The following MRPL33 variants were observed in gnomAD, a reference collection of about 807,000 sequenced individuals.
MRPL33 encodes large ribosomal subunit protein bL33m.
Under a neutral mutation model 10.1 loss-of-function variants are expected in MRPL33, and 5 were observed. That is an observed-to-expected ratio of 0.49 (90% CI 0.26 to 1.04). MRPL33 has a LOEUF of 1.04. Among genes scored for constraint, MRPL33 ranks in the 50% least tolerant of loss-of-function variants. The probability of loss-of-function intolerance (pLI) is 0.14; values close to 1 mark genes in which losing one functional copy is unlikely to be tolerated. For missense variants in MRPL33, 79 were observed against 78.1 expected, an observed-to-expected ratio of 1.01 and a Z score of -0.04; for synonymous variants, 24 against 27.7, an observed-to-expected ratio of 0.87 and a Z score of 0.42.
chr2:27,779,174 AAT>A (rs945058225), intron 3 of MRPL33, among the ~76,000 whole-genome samples: 5 of 152,086 alleles, frequency 3.3e-5, no homozygotes, highest in African/African-American at 1.2e-4. Context: ...TCTTAATGTG[AAT>A]ATTTCTTCAT....
rs1361184681 is a variant in MRPL33 at position 27,771,812 on chromosome 2, G to A, written c.22+13G>A. 6.2e-7 allele frequency: 1 copy of A among 1,613,204 alleles called. No individual in the cohort carries two copies. Among genetic ancestry groups the A allele is most frequent in the Non-Finnish European group, 8.5e-7 (1 of 1,179,338 alleles). The stretch of plus-strand genomic sequence containing the variant: ...TCCGCGGTCTTCTGTAAGTGGGGCT[G>A]GAGACGCCGGTAGGGGTTACGGCGA... On this transcript the variant is annotated intron_variant, in intron 1 of 3. Coordinates refer to ENST00000296102, the MANE Select transcript of MRPL33 (RefSeq NM_004891.4).
chr2:27,771,934 C>A, intron 1 of MRPL33, 135 bp downstream of exon 1: 1 of 916,732 alleles, frequency 1.1e-6, no homozygotes. Context: ...TCCAGGCCTT[C>A]AGGACCACAG....
chr2:27,779,011 A>C (rs1277244972), intron 3 of MRPL33, among the ~76,000 whole-genome samples: 1 of 152,238 alleles, frequency 6.6e-6, no homozygotes, highest in Non-Finnish European at 1.5e-5. Context: ...GTAGAGGTTT[A>C]GTGTCTATTA....
At chr2:27,775,002 C>G (rs894077641) in intron 3 of MRPL33, among the ~76,000 whole-genome samples, 3 of 152,106 alleles carry the variant, frequency 2.0e-5, no homozygotes, top group Admixed American at 1.3e-4. Context: ...ATCATCTGTT[C>G]GACAGTGGCT....
Position 27,771,742 on chromosome 2 carries a change from T to G in MRPL33, c.-36T>G. 6.2e-7 allele frequency: 1 copy of G among 1,613,964 alleles called. No homozygotes were observed. Among genetic ancestry groups the G allele is most frequent in the African/African-American group, 1.3e-5 (1 of 75,064 alleles). ...GCAGTTGTTGTTGGTTGGGGGCCTT[T>G]TGGCCGGTGACGGAGACTGCCCAGG... On this transcript the variant is annotated 5_prime_UTR_variant, in exon 1 of 4. Transcript: ENST00000296102.
chr2:27,774,319 A>G, intron 2 of MRPL33, 105 bp from the exon 3 acceptor site: 1 of 888,500 alleles, frequency 1.1e-6, no homozygotes, highest in Non-Finnish European at 1.8e-6. Flanking sequence ...GTGATATCTC[A>G]CAACTAATAT....
chr2:27,777,844 A>T (rs1437664674), intron 3 of MRPL33, among the ~76,000 whole-genome samples: 1 of 151,750 alleles, frequency 6.6e-6, no homozygotes, highest in South Asian at 2.1e-4. Context: ...CAGTGAGACA[A>T]CCCCCCTACC....
chr2:27,779,326 G>C, intron 3 of MRPL33, 107 bp from the exon 4 acceptor site: 1 of 1,315,852 alleles, frequency 7.6e-7, no homozygotes. Flanking sequence ...TCAAGGAATA[G>C]TAAAATAAGA....
At chr2:27,773,977 A>G (rs190057710) in intron 2 of MRPL33, among the ~76,000 whole-genome samples, 2 of 152,334 alleles carry the variant, frequency 1.3e-5, no homozygotes, top group Non-Finnish European at 2.9e-5. Flanking sequence ...TTAGCAAACT[A>G]AAAGCTTTAG....
At chr2:27,772,029 G>A (rs539342180) in intron 1 of MRPL33, 2 of 516,214 alleles carry the variant, frequency 3.9e-6, no homozygotes, top group African/African-American at 2.0e-5. Context: ...TTCAATTGCC[G>A]TCCTCACGGA....
intron 1 of MRPL33, 192 bp downstream of exon 1, chr2:27,771,991 G>T (rs929509251): frequency 6.9e-5 from 42 of 610,890 alleles, no homozygotes; most frequent in South Asian, 3.4e-4. Flanking sequence ...ACCTGTGGGT[G>T]CCTGAGAAGG....
Position 27,771,728 on chromosome 2 carries a change from T to C in MRPL33, c.-50T>C, listed in dbSNP as rs759007905. On this transcript the variant is annotated 5_prime_UTR_variant, in exon 1 of 4. Transcript: ENST00000296102. ...GCCGTGCCCCGGAAGCAGTTGTTGT[T>C]GGTTGGGGGCCTTTTGGCCGGTGAC... The C allele has an allele frequency of 6.2e-7, 1 of 1,611,846 alleles. No homozygotes were observed. Among genetic ancestry groups the C allele is most frequent in the Non-Finnish European group, 8.5e-7 (1 of 1,178,204 alleles).
rs2148173030 is a variant in MRPL33 at position 27,774,504 on chromosome 2, T to G, written c.122T>G (p.Leu41Arg). Reference protein sequence around the residue: ...NTKRNRLREKLTLLHYDPVVK... With the variant: ...NTKRNRLREKRTLLHYDPVVK... Reference sequence around the variant, plus strand: ...AAGAGAAACCGACTGCGGGAAAAACTGACTCTTTTGCATTATGATCCAGTT... The same window carrying G: ...AAGAGAAACCGACTGCGGGAAAAACGGACTCTTTTGCATTATGATCCAGTT... Residue 41 changes from leucine (L) to arginine (R), a missense_variant, in exon 3 of 4, where the codon CTG (leucine) becomes CGG (arginine). Coordinates refer to ENST00000296102, the MANE Select transcript of MRPL33 (RefSeq NM_004891.4). 9 of 1,614,042 alleles carry G rather than the reference T, an allele frequency of 5.6e-6. No homozygotes were observed. In the South Asian group the frequency reaches 8.8e-5, roughly 16 times the overall value.
At chr2:27,774,719 C>G (rs1181658598) in intron 3 of MRPL33, among the ~76,000 whole-genome samples, 189 bp downstream of exon 3, 1 of 152,198 alleles carries the variant, frequency 6.6e-6, no homozygotes, top group Non-Finnish European at 1.5e-5. Flanking sequence ...AGACAAGTCC[C>G]TGTACTCTTG....
intron 3 of MRPL33, among the ~76,000 whole-genome samples, chr2:27,775,268 T>C (rs1677128016): frequency 6.6e-6 from 1 of 152,174 alleles, no homozygotes; most frequent in African/African-American, 2.4e-5. Flanking sequence ...TTCTGGATTT[T>C]ATGTGCAGAT....
intron 1 of MRPL33, chr2:27,772,068 C>T (rs1393262865): frequency 1.1e-5 from 5 of 451,342 alleles, no homozygotes; most frequent in African/African-American, 8.1e-5. Context: ...GGGCGTTTTT[C>T]TCCAGCCCGT....
At chr2:27,777,485 A>G (rs536346048) in intron 3 of MRPL33, among the ~76,000 whole-genome samples, 1 of 147,462 alleles carries the variant, frequency 6.8e-6, no homozygotes, top group South Asian at 2.1e-4. Context: ...TTCCTGGTTC[A>G]TTTAATCCAA....
chr2:27,772,119 C>T, intron 1 of MRPL33: 1 of 390,536 alleles, frequency 2.6e-6, no homozygotes, highest in Non-Finnish European at 4.6e-6. Flanking sequence ...GAATTTGCAG[C>T]CCACCTATTT....
chr2:27,778,433 G>A (rs2148175359), intron 3 of MRPL33, among the ~76,000 whole-genome samples: 1 of 151,622 alleles, frequency 6.6e-6, no homozygotes, highest in Admixed American at 6.6e-5. Context: ...GAGGAAATAG[G>A]TAGGGGTGTG....
Sources: allele counts gnomAD v4.1 joint callset (sites outside exome capture counted in the v4.1 genomes callset), GRCh38; gene constraint gnomAD v4.1.1; transcripts MANE v1.5; gene names NCBI Gene and HGNC (gene_info 2026-07-23, HGNC 2026-07-21).